MNAT1: variants seen among roughly 807,000 people sequenced by gnomAD.
The protein encoded by MNAT1 is CDK-activating kinase assembly factor MAT1.
In MNAT1, 43 loss-of-function variants were observed where a neutral mutation model predicts 42.0. That is an observed-to-expected ratio of 1.02 (90% CI 0.80 to 1.32). The LOEUF is 1.32. Among genes scored for constraint, MNAT1 ranks in the 40% most tolerant of loss-of-function variants. The pLI is 0.00. For missense variants in MNAT1, 306 were observed against 350.4 expected (o/e 0.87, Z 1.01); for synonymous variants, 118 against 120.0 (o/e 0.98, Z 0.11).
intron 7 of MNAT1, among the ~76,000 whole-genome samples, chr14:60,940,316 T>G (rs939606960): frequency 1.9e-4 from 29 of 152,380 alleles, no homozygotes; most frequent in Middle Eastern, 3.4e-3. Context: ...TGATGCAGTT[T>G]CTTCCTAGCC....
chr14:60,927,969 CAGTCCAGTTTT>C (rs1353281088), intron 7 of MNAT1, among the ~76,000 whole-genome samples: 1 of 152,170 alleles, frequency 6.6e-6, no homozygotes, highest in Non-Finnish European at 1.5e-5. Context: ...AACCTGACTA[CAGTCCAGTTTT>C]AGAACCTTCG....
intron 7 of MNAT1, among the ~76,000 whole-genome samples, chr14:60,911,818 C>A (rs1216577159): frequency 1.3e-5 from 2 of 151,888 alleles, no homozygotes; most frequent in African/African-American, 4.8e-5. Context: ...GTGGAGAGTT[C>A]TGTAGATGTG....
chr14:60,949,787 A>C (rs571067261), intron 7 of MNAT1, among the ~76,000 whole-genome samples: 1 of 151,228 alleles, frequency 6.6e-6, no homozygotes, highest in Non-Finnish European at 1.5e-5. Flanking sequence ...GGCATAGATT[A>C]TTTTTTTTTC....
chr14:60,900,885 G>A (rs2035058403), intron 7 of MNAT1, among the ~76,000 whole-genome samples: 1 of 151,734 alleles, frequency 6.6e-6, no homozygotes, highest in Admixed American at 6.6e-5. Context: ...TACTCAGGAG[G>A]CTGAGGTGGG....
intron 3 of MNAT1, among the ~76,000 whole-genome samples, chr14:60,798,815 G>A (rs928672427): frequency 4.6e-5 from 7 of 152,056 alleles, no homozygotes; most frequent in Admixed American, 4.6e-4. Flanking sequence ...TAAACTTGCA[G>A]TAATTATTAC....
intron 1 of MNAT1, among the ~76,000 whole-genome samples, chr14:60,794,755 T>C (rs2031958627): frequency 6.7e-6 from 1 of 150,288 alleles, no homozygotes; most frequent in South Asian, 2.1e-4. Context: ...TCAATGTTAG[T>C]ATTTTACTAA....
chr14:60,814,972 A>T (rs2032665245), intron 5 of MNAT1, among the ~76,000 whole-genome samples: 1 of 152,188 alleles, frequency 6.6e-6, no homozygotes, highest in African/African-American at 2.4e-5. Context: ...ACTAATTATT[A>T]GTATATAGTT....
chr14:60,768,947 G>A (rs1467075070), intron 1 of MNAT1, among the ~76,000 whole-genome samples: 1 of 152,128 alleles, frequency 6.6e-6, no homozygotes, highest in Non-Finnish European at 1.5e-5. Flanking sequence ...AGATTATAAT[G>A]TTGAGTTTAC....
intron 7 of MNAT1, among the ~76,000 whole-genome samples, chr14:60,939,286 T>A (rs1429756091): frequency 2.0e-5 from 3 of 152,210 alleles, no homozygotes; most frequent in African/African-American, 7.2e-5. Flanking sequence ...TTGAATGTGT[T>A]TGTCCCTTGC....
intron 3 of MNAT1, among the ~76,000 whole-genome samples, chr14:60,803,382 C>T (rs1055152660): frequency 2.0e-5 from 3 of 152,022 alleles, no homozygotes; most frequent in African/African-American, 4.8e-5. Context: ...TACTAAGTAC[C>T]AGACTGAGCT....
intron 7 of MNAT1, among the ~76,000 whole-genome samples, chr14:60,939,845 C>T (rs186970854): frequency 2.0e-5 from 3 of 152,170 alleles, no homozygotes; most frequent in Admixed American, 2.0e-4. Flanking sequence ...TAAAGTCTCC[C>T]ATTTTTATTG....
intron 1 of MNAT1, among the ~76,000 whole-genome samples, chr14:60,750,368 A>G (rs922629587): frequency 4.6e-5 from 7 of 151,636 alleles, no homozygotes; most frequent in African/African-American, 1.7e-4. Flanking sequence ...CTGGGACTAC[A>G]GGCATCTGCC....
chr14:60,907,869 G>A (rs1048953375), intron 7 of MNAT1, among the ~76,000 whole-genome samples: 1 of 147,664 alleles, frequency 6.8e-6, no homozygotes, highest in African/African-American at 2.5e-5. Flanking sequence ...AGAATTAATT[G>A]TGAAATAAAA....
intron 3 of MNAT1, among the ~76,000 whole-genome samples, chr14:60,798,505 G>C (rs1363477694): frequency 2.0e-5 from 3 of 152,034 alleles, no homozygotes; most frequent in Non-Finnish European, 4.4e-5. Context: ...CAAAAATGGG[G>C]TTCCTATTAA....
At chr14:60,858,531 A>G (rs1220791386) in intron 6 of MNAT1, among the ~76,000 whole-genome samples, 1 of 151,486 alleles carries the variant, frequency 6.6e-6, no homozygotes, top group African/African-American at 2.4e-5. Flanking sequence ...TTGCCTGTTC[A>G]CTCTGCAGTG....
chr14:60,762,076 T>G (rs1198922456), intron 1 of MNAT1, among the ~76,000 whole-genome samples: 2 of 152,202 alleles, frequency 1.3e-5, no homozygotes, highest in African/African-American at 4.8e-5. Flanking sequence ...TGATTCTATT[T>G]TTCTTCAAGT....
At chr14:60,927,271 T>C (rs1232738207) in intron 7 of MNAT1, among the ~76,000 whole-genome samples, 1 of 152,194 alleles carries the variant, frequency 6.6e-6, no homozygotes, top group East Asian at 1.9e-4. Context: ...AGACAAAGGG[T>C]AGACATGCAG....
chr14:60,865,968 G>C (rs901508151), intron 6 of MNAT1, among the ~76,000 whole-genome samples: 1 of 151,992 alleles, frequency 6.6e-6, no homozygotes, highest in Non-Finnish European at 1.5e-5. Flanking sequence ...AGCCTTCAGA[G>C]GTTCTCCCAA....
intron 7 of MNAT1, among the ~76,000 whole-genome samples, chr14:60,950,149 G>A (rs1232970574): frequency 1.3e-5 from 2 of 151,960 alleles, no homozygotes; most frequent in Non-Finnish European, 2.9e-5. Context: ...AGCTTTTGAG[G>A]GGAAGTTGCT....
Sources: gnomAD v4.1 joint callset for allele counts (sites outside exome capture counted in the v4.1 genomes callset) on GRCh38, gnomAD v4.1.1 for gene constraint, MANE v1.5 for transcripts, NCBI Gene and HGNC (gene_info 2026-07-23, HGNC 2026-07-21) for gene names.